The following STEAP3 variants were observed in gnomAD, a reference collection of about 807,000 sequenced individuals.
STEAP3 encodes metalloreductase STEAP3.
Under a neutral mutation model 34.9 loss-of-function variants are expected in STEAP3, and 35 were observed. The ratio of observed to expected loss-of-function variants is 1.00; its 90% CI spans 0.76 to 1.33. STEAP3 has a LOEUF of 1.33. STEAP3 is among the 40% of genes most tolerant of loss of function. The probability of loss-of-function intolerance (pLI) is 0.00; values close to 1 mark genes in which losing one functional copy is unlikely to be tolerated. For missense variants in STEAP3, 652 were observed against 667.6 expected, an observed-to-expected ratio of 0.98 and a Z score of 0.26; for synonymous variants, 281 against 301.6, an observed-to-expected ratio of 0.93 and a Z score of 0.71.
chr2:119,258,342 C>T (rs114117424), intron 5 of STEAP3, among the ~76,000 whole-genome samples: 1,555 of 152,168 alleles, frequency 0.01, 29 homozygotes, highest in African/African-American at 0.035. Context: ...TATCCTGAGC[C>T]GACCTCCTAT....
At chr2:119,257,783 C>A in intron 5 of STEAP3, 1 of 1,271,412 alleles carries the variant, frequency 7.9e-7, no homozygotes, top group Non-Finnish European at 1.0e-6. Flanking sequence ...ACAGCAGACA[C>A]CAGGCTATGG....
intron 4 of STEAP3, among the ~76,000 whole-genome samples, chr2:119,254,433 T>G (rs1263769734): frequency 6.6e-6 from 1 of 152,092 alleles, no homozygotes; most frequent in Admixed American, 6.5e-5. Context: ...ACATGTGACC[T>G]TGGGAAAGTG....
At position 119,230,884 on chromosome 2, in the gene STEAP3, C is replaced by T. The variant is rs1354299810; in HGVS notation, c.-129C>T. The T allele has an allele frequency of 1.5e-6, 2 of 1,293,450 alleles. No individual in the cohort carries two copies. The highest frequency in any genetic ancestry group is 1.8e-5 in the Admixed American group (1 of 57,098). The allele number at this position is 1,293,450 out of a possible 1,614,324, so 80.1% of individuals were successfully genotyped here. ...GTGCAAGACCCTGGCAGGGCCCTCG[C>T]CTCCTGAGAAACCGAGAGTCAGAAC... On this transcript the variant is annotated 5_prime_UTR_variant, in exon 2 of 6. Transcript: ENST00000393110.
At chr2:119,249,745 G>C (rs950231923) in intron 4 of STEAP3, among the ~76,000 whole-genome samples, 2 of 152,226 alleles carry the variant, frequency 1.3e-5, no homozygotes, top group Non-Finnish European at 2.9e-5. Context: ...TCTGCCAGCA[G>C]CTACTCGACT....
chr2:119,227,601 C>A (rs1679081360), intron 1 of STEAP3, among the ~76,000 whole-genome samples: 1 of 152,176 alleles, frequency 6.6e-6, no homozygotes, highest in Non-Finnish European at 1.5e-5. Flanking sequence ...GCAAAGATCA[C>A]ATGTTTAAGC....
chr2:119,247,849 G>T lies in STEAP3; in HGVS notation c.693G>T (p.Gly231=). ...AGGTGCCCACCCTGCTGGCCCTGGG[G>T]CTCTTCGTCTGCTTCTATGCCTACA... ...AWKVPTLLAL[G]LFVCFYAYNF... Residue 231 remains glycine (G), a synonymous_variant, in exon 4 of 6, where the codon GGG becomes GGT. Coordinates refer to ENST00000393110, the MANE Select transcript of STEAP3 (RefSeq NM_182915.3). 1.2e-6 allele frequency: 2 copies of T among 1,613,574 alleles called. No individual in the cohort carries two copies. The highest frequency in any genetic ancestry group is 1.7e-6 in the Non-Finnish European group (2 of 1,180,008).
intron 5 of STEAP3, among the ~76,000 whole-genome samples, chr2:119,262,118 A>G (rs986181156): frequency 1.8e-4 from 28 of 152,180 alleles, no homozygotes; most frequent in Non-Finnish European, 3.5e-4. Flanking sequence ...CCCAGACCAC[A>G]GGCCCCGTGA....
At chr2:119,239,052 A>C (rs1677168414) in intron 2 of STEAP3, among the ~76,000 whole-genome samples, 1 of 152,148 alleles carries the variant, frequency 6.6e-6, no homozygotes, top group Admixed American at 6.5e-5. Flanking sequence ...CCACAGCGCA[A>C]TGCCCCAGGT....
chr2:119,245,929 G>A lies in STEAP3; in HGVS notation c.463G>A (p.Ala155Thr), dbSNP rs143565626. 1.2e-6 allele frequency: 2 copies of A among 1,613,904 alleles called. No homozygotes were observed. Among genetic ancestry groups the A allele is most frequent in the South Asian group, 1.1e-5 (1 of 91,084 alleles). ...CTTCCCCACTTGCACAGTGGTCAAG[G>A]CCTTCAATGTCATCTCTGCCTGGAC... ...SLFPTCTVVK[A>T]FNVISAWTLQ... is the part of the protein sequence containing the mutation. Residue 155 changes from alanine (A) to threonine (T), a missense_variant, in exon 3 of 6, where the codon GCC becomes ACC. Physicochemically the swap from Ala to Thr is moderately conservative, Grantham distance 58. Coordinates refer to ENST00000393110, the MANE Select transcript of STEAP3 (RefSeq NM_182915.3).
At chr2:119,240,692 A>T (rs1327080263) in intron 2 of STEAP3, among the ~76,000 whole-genome samples, 1 of 152,240 alleles carries the variant, frequency 6.6e-6, no homozygotes, top group African/African-American at 2.4e-5. Context: ...GGGGACCAGG[A>T]CACCCGATCC....
intron 1 of STEAP3, among the ~76,000 whole-genome samples, chr2:119,225,590 C>T (rs1679012209): frequency 6.6e-6 from 1 of 152,280 alleles, no homozygotes; most frequent in African/African-American, 2.4e-5. Flanking sequence ...CCTTGGCCCA[C>T]AGCCCTTCCC....
intron 4 of STEAP3, among the ~76,000 whole-genome samples, chr2:119,253,826 G>T (rs1410466410): frequency 1.3e-5 from 2 of 152,068 alleles, no homozygotes; most frequent in African/African-American, 4.8e-5. Flanking sequence ...AACTTGGTGG[G>T]GGGGCCCAGA....
chr2:119,254,658 C>G lies in STEAP3; in HGVS notation c.1051-26C>G, dbSNP rs747900862. The stretch of plus-strand genomic sequence containing the variant: ...GGGCACCAGCCTTTGCCACAGTGTT[C>G]ATGGTTTTCCTTCCATCCATGTCAG... On this transcript the variant is annotated intron_variant, in intron 4 of 5. Coordinates refer to ENST00000393110, the MANE Select transcript of STEAP3 (RefSeq NM_182915.3). 3.1e-6 allele frequency: 5 copies of G among 1,613,772 alleles called. No individual in the cohort carries two copies. The South Asian group carries it at 5.5e-5, about 18-fold the overall frequency.
intron 2 of STEAP3, among the ~76,000 whole-genome samples, chr2:119,237,470 C>A (rs75360780): frequency 0.072 from 10,921 of 152,264 alleles, 519 homozygotes; most frequent in Non-Finnish European, 0.11. Context: ...GCCCTCCCCC[C>A]AGCCAGGGAG....
chr2:119,246,273 G>A (rs1284919297), intron 3 of STEAP3: 2 of 402,298 alleles, frequency 5.0e-6, no homozygotes, highest in Non-Finnish European at 9.0e-6. Context: ...GGAAAAGGTT[G>A]ATGGCTTTTT....
At chr2:119,250,404 C>T (rs1442824427) in intron 4 of STEAP3, among the ~76,000 whole-genome samples, 1 of 152,218 alleles carries the variant, frequency 6.6e-6, no homozygotes, top group African/African-American at 2.4e-5. Context: ...CTTTTGTCCT[C>T]GAGGCCCTGA....
Position 119,254,730 on chromosome 2 carries a change from G to T in STEAP3, c.1097G>T (p.Arg366Leu). Residue 366 changes from arginine (R) to leucine (L), a missense_variant, in exon 5 of 6, where the codon CGG becomes CTG. By Grantham distance (102) the Arg-to-Leu change is moderately radical. Transcript: ENST00000393110. ...CTCTGGGTGGAGGAGGAGGTCTGGC[G>T]GATGGAGATCTACCTCTCCCTGGGA... ...SHLWVEEEVW[R>L]MEIYLSLGVL... is the part of the protein sequence containing the mutation. 1 of 1,614,058 alleles carries T rather than the reference G, an allele frequency of 6.2e-7. No homozygotes were observed. The highest frequency in any genetic ancestry group is 8.5e-7 in the Non-Finnish European group (1 of 1,179,992).
At chr2:119,248,291 G>T in intron 4 of STEAP3, 85 bp downstream of exon 4, 1 of 1,454,144 alleles carries the variant, frequency 6.9e-7, no homozygotes. Context: ...AGGTGCAGCC[G>T]ATACCCACGG....
intron 1 of STEAP3, among the ~76,000 whole-genome samples, chr2:119,228,318 G>T (rs750731705): frequency 1.3e-5 from 2 of 152,156 alleles, no homozygotes; most frequent in Non-Finnish European, 2.9e-5. Context: ...TCCAGGTGAG[G>T]TCTGGCCTGC....
Sources: gnomAD v4.1 joint callset for allele counts (sites outside exome capture counted in the v4.1 genomes callset) on GRCh38, gnomAD v4.1.1 for gene constraint, MANE v1.5 for transcripts, NCBI Gene and HGNC (gene_info 2026-07-23, HGNC 2026-07-21) for gene names.